Variants in AUTS2 observed in about 807,000 individuals in gnomAD.
AUTS2 encodes autism susceptibility gene 2 protein.
A neutral mutation model predicts 112.4 loss-of-function variants in AUTS2; 17 were observed. The observed-to-expected ratio is 0.15, with a 90% CI of 0.10 to 0.23. AUTS2 has a LOEUF of 0.23. AUTS2 is among the 10% of genes least tolerant of loss of function. The pLI, the probability that AUTS2 is intolerant of heterozygous loss-of-function variation, is 1.00. For missense variants in AUTS2, 1,510 were observed against 1,701.6 expected, an observed-to-expected ratio of 0.89 and a Z score of 1.98; for synonymous variants, 751 against 702.7, an observed-to-expected ratio of 1.07 and a Z score of -1.09.
At chr7:70,334,726 T>G (rs1790911756) in intron 4 of AUTS2, among the ~76,000 whole-genome samples, 1 of 152,206 alleles carries the variant, frequency 6.6e-6, no homozygotes, top group Admixed American at 6.5e-5. Context: ...CTTTTTAATT[T>G]TGGTAGAAAA....
chr7:70,269,445 A>T (rs1787583823), intron 4 of AUTS2, among the ~76,000 whole-genome samples: 1 of 152,138 alleles, frequency 6.6e-6, no homozygotes, highest in South Asian at 2.1e-4. Flanking sequence ...TGGGTGCCAC[A>T]TGTAAGGACC....
chr7:70,598,978 A>C (rs1175830374), intron 5 of AUTS2, among the ~76,000 whole-genome samples: 2 of 152,210 alleles, frequency 1.3e-5, no homozygotes, highest in African/African-American at 2.4e-5. Flanking sequence ...ACTACTCTTA[A>C]AATGCAAGGT....
intron 6 of AUTS2, among the ~76,000 whole-genome samples, chr7:70,741,548 G>A (rs888586479): frequency 2.0e-5 from 3 of 151,870 alleles, no homozygotes; most frequent in African/African-American, 7.3e-5. Flanking sequence ...AAAATTATCC[G>A]GGCGTGGTGG....
intron 2 of AUTS2, among the ~76,000 whole-genome samples, chr7:70,003,399 T>C (rs1166535512): frequency 2.6e-5 from 3 of 113,726 alleles, no homozygotes; most frequent in Non-Finnish European, 5.1e-5. Flanking sequence ...CATATGAATA[T>C]ATATAATATA....
At chr7:69,875,533 C>T (rs558606633) in intron 1 of AUTS2, among the ~76,000 whole-genome samples, 1 of 152,170 alleles carries the variant, frequency 6.6e-6, no homozygotes, top group Non-Finnish European at 1.5e-5. Context: ...AGATTTATGC[C>T]CATATCCTGG....
chr7:70,759,580 G>A (rs924411217), intron 6 of AUTS2, among the ~76,000 whole-genome samples: 1 of 152,170 alleles, frequency 6.6e-6, no homozygotes, highest in Non-Finnish European at 1.5e-5. Flanking sequence ...CTTGTTGGAG[G>A]TGGTGCTGAC....
At chr7:69,881,790 G>A (rs1794057852) in intron 1 of AUTS2, among the ~76,000 whole-genome samples, 1 of 152,108 alleles carries the variant, frequency 6.6e-6, no homozygotes, top group African/African-American at 2.4e-5. Context: ...AAGAAATGCT[G>A]GAACTTTATA....
intron 5 of AUTS2, among the ~76,000 whole-genome samples, chr7:70,518,544 C>T (rs994035493): frequency 2.6e-5 from 4 of 151,990 alleles, no homozygotes; most frequent in East Asian, 3.9e-4. Context: ...ATTAGCCAGG[C>T]GTGGTGGCGG....
intron 4 of AUTS2, among the ~76,000 whole-genome samples, chr7:70,146,752 A>G (rs763753935): frequency 6.6e-6 from 1 of 152,128 alleles, no homozygotes; most frequent in Non-Finnish European, 1.5e-5. Flanking sequence ...TGTCACATAG[A>G]AAGCCTTCCA....
intron 2 of AUTS2, among the ~76,000 whole-genome samples, chr7:69,900,707 A>G (rs1472965744): frequency 1.3e-5 from 2 of 152,192 alleles, no homozygotes; most frequent in African/African-American, 2.4e-5. Context: ...TCTGCCTTAT[A>G]CGTAGTGAAG....
At chr7:70,735,469 C>G (rs4717548) in intron 6 of AUTS2, among the ~76,000 whole-genome samples, 108,910 of 152,038 alleles carry the variant, frequency 0.72, 39,382 homozygotes, top group East Asian at 0.8. Context: ...CTAACCCTGA[C>G]CCTCACGGGG....
At chr7:69,930,932 G>C (rs1037929527) in intron 2 of AUTS2, among the ~76,000 whole-genome samples, 5 of 152,130 alleles carry the variant, frequency 3.3e-5, no homozygotes, top group Non-Finnish European at 7.4e-5. Context: ...TTTAAGGTGA[G>C]TATTCAGGGA....
At position 70,790,438 on chromosome 7, in the gene AUTS2, CTTG is replaced by C; in HGVS notation, c.3223_3225del (p.Leu1075del). On this transcript the variant is annotated inframe_deletion, in exon 19 of 19. Transcript: ENST00000342771. This position sits in a 1 kb window ranked among gnomAD's most constrained non-coding sequence, Gnocchi z 7.6. ...TCCACTGGGACCCCATCCGGGACCC[CTTG>C]AGGGATCCTTACCGAGAACTTGACA... The C allele has an allele frequency of 6.2e-7, 1 of 1,612,450 alleles. No homozygotes were observed. Among genetic ancestry groups the C allele is most frequent in the Non-Finnish European group, 8.5e-7 (1 of 1,179,258 alleles).
chr7:70,056,512 T>G (rs1801999999), intron 2 of AUTS2, among the ~76,000 whole-genome samples: 1 of 152,216 alleles, frequency 6.6e-6, no homozygotes. Context: ...TTCTGTGCAG[T>G]TAATCTCAGT....
chr7:69,677,821 CTT>C (rs1261100252), intron 1 of AUTS2, among the ~76,000 whole-genome samples: 1 of 152,160 alleles, frequency 6.6e-6, no homozygotes, highest in Non-Finnish European at 1.5e-5. Context: ...CAAAAGCAAA[CTT>C]AGACAGAAGC....
intron 4 of AUTS2, among the ~76,000 whole-genome samples, chr7:70,406,409 A>G (rs1794535868): frequency 6.6e-6 from 1 of 152,196 alleles, no homozygotes; most frequent in South Asian, 2.1e-4. Context: ...GCCTGCACAC[A>G]CAAGCCCTCT....
intron 2 of AUTS2, among the ~76,000 whole-genome samples, chr7:70,107,276 C>T (rs943876272): frequency 2.0e-5 from 3 of 147,954 alleles, no homozygotes; most frequent in African/African-American, 7.4e-5. Flanking sequence ...ACACATGATA[C>T]TTTTCATGTT....
intron 1 of AUTS2, among the ~76,000 whole-genome samples, chr7:69,794,428 C>A (rs887654012): frequency 1.3e-5 from 2 of 152,150 alleles, no homozygotes; most frequent in African/African-American, 4.8e-5. Context: ...ATACTGGGGG[C>A]AGATGTTTGC....
chr7:69,654,952 T>C (rs1243777369), intron 1 of AUTS2, among the ~76,000 whole-genome samples: 1 of 152,138 alleles, frequency 6.6e-6, no homozygotes, highest in African/African-American at 2.4e-5. Flanking sequence ...TTGTAAAGAT[T>C]AGTTAATTGG....
Sources: allele counts gnomAD v4.1 joint callset (sites outside exome capture counted in the v4.1 genomes callset), GRCh38; gene constraint gnomAD v4.1.1; non-coding constraint Gnocchi (gnomAD v3.1); transcripts MANE v1.5; gene names NCBI Gene and HGNC (gene_info 2026-07-23, HGNC 2026-07-21).